Variants in RNF214 observed in about 807,000 individuals in gnomAD.
RNF214 encodes the protein ring finger protein 214.
RNF214 carries 25 observed loss-of-function variants against 75.9 expected under a neutral mutation model. That is an observed-to-expected ratio of 0.33 (90% CI 0.24 to 0.46). The LOEUF is 0.46. Among genes scored for constraint, RNF214 ranks in the 20% least tolerant of loss-of-function variants. The pLI is 1.00. For missense variants in RNF214, 725 were observed against 857.5 expected (o/e 0.85, Z 1.93); for synonymous variants, 314 against 308.8 (o/e 1.02, Z -0.18).
chr11:117,275,433 AAAT>A (rs1349683429), intron 6 of RNF214, among the ~76,000 whole-genome samples: 4 of 152,228 alleles, frequency 2.6e-5, no homozygotes, highest in African/African-American at 9.6e-5. Flanking sequence ...TGAAACCAAA[AAAT>A]ACAAAGGATC....
chr11:117,247,203 A>G (rs2033246811), intron 6 of RNF214, among the ~76,000 whole-genome samples: 1 of 152,200 alleles, frequency 6.6e-6, no homozygotes, highest in Non-Finnish European at 1.5e-5. Flanking sequence ...CAAGAGTTCG[A>G]TACGGGCTGG....
chr11:117,247,524 A>G (rs546137443), intron 6 of RNF214, among the ~76,000 whole-genome samples: 3 of 152,102 alleles, frequency 2.0e-5, no homozygotes, highest in Non-Finnish European at 4.4e-5. Context: ...ATATGAATCT[A>G]ACACCGATCT....
At chr11:117,247,009 C>A (rs541181265) in intron 6 of RNF214, 61 bp downstream of exon 6, 3 of 1,278,888 alleles carry the variant, frequency 2.3e-6, no homozygotes, top group African/African-American at 3.0e-5. Flanking sequence ...GGGCCAGACC[C>A]GTTTGTATTT....
At chr11:117,276,971 C>T (rs893251510) in intron 6 of RNF214, among the ~76,000 whole-genome samples, 2 of 152,158 alleles carry the variant, frequency 1.3e-5, no homozygotes, top group African/African-American at 4.8e-5. Context: ...TCTGACTCTT[C>T]ATATATTTTG....
intron 2 of RNF214, among the ~76,000 whole-genome samples, chr11:117,235,882 A>G (rs1319567608): frequency 6.6e-6 from 1 of 152,116 alleles, no homozygotes; most frequent in Admixed American, 6.5e-5. Flanking sequence ...ATCCTTTTGA[A>G]TATTTTCAGT....
chr11:117,264,819 T>G (rs1445980218), intron 6 of RNF214, among the ~76,000 whole-genome samples: 4 of 152,084 alleles, frequency 2.6e-5, no homozygotes, highest in Non-Finnish European at 5.9e-5. Context: ...ATCTCAGCAC[T>G]TTGGGAAGCC....
At chr11:117,259,013 GTGACA>G (rs1260128755) in intron 6 of RNF214, among the ~76,000 whole-genome samples, 1 of 152,106 alleles carries the variant, frequency 6.6e-6, no homozygotes, top group Admixed American at 6.6e-5. Context: ...CTGGAGTGCA[GTGACA>G]TGATCTTGGT....
chr11:117,251,042 A>G (rs1382705389), intron 6 of RNF214, among the ~76,000 whole-genome samples: 1 of 149,430 alleles, frequency 6.7e-6, no homozygotes, highest in Non-Finnish European at 1.5e-5. Context: ...CAACCATCCA[A>G]TTTCTCAATC....
chr11:117,237,833 A>G (rs1479371971), intron 2 of RNF214, among the ~76,000 whole-genome samples: 1 of 152,170 alleles, frequency 6.6e-6, no homozygotes, highest in Non-Finnish European at 1.5e-5. Context: ...TGTAGGTTCT[A>G]TACTCTGGAA....
intron 6 of RNF214, among the ~76,000 whole-genome samples, chr11:117,268,334 A>G (rs1591835451): frequency 6.6e-6 from 1 of 152,232 alleles, no homozygotes; most frequent in Non-Finnish European, 1.5e-5. Context: ...TTGCATTTCA[A>G]AAAGATGGCT....
At chr11:117,245,376 G>A (rs1412982972) in intron 5 of RNF214, among the ~76,000 whole-genome samples, 3 of 146,830 alleles carry the variant, frequency 2.0e-5, no homozygotes, top group Admixed American at 1.4e-4. Flanking sequence ...GTCTCGCTCT[G>A]TCACCCAGGC....
At position 117,244,585 on chromosome 11, in the gene RNF214, G is replaced by T. The variant is rs2033161510; in HGVS notation, c.819G>T (p.Gln273His). 1 of 1,596,706 alleles carries T rather than the reference G, an allele frequency of 6.3e-7. No homozygotes were observed. Among genetic ancestry groups the T allele is most frequent in the Non-Finnish European group, 8.5e-7 (1 of 1,173,380 alleles). Residue 273 changes from glutamine (Q) to histidine (H), a missense_variant and splice_region_variant, in exon 5 of 15, where the codon CAG becomes CAT. By Grantham distance (24) the Gln-to-His change is conservative. Coordinates refer to ENST00000300650, the MANE Select transcript of RNF214 (RefSeq NM_207343.4). ...QRREEEMKNH[Q>H]EILKAIQDVT... is the part of the protein sequence containing the mutation. ...GAGAAGAGGAAATGAAGAATCACCA[G>T]GTATTTTGCTTATATTGAAATTGTC...
intron 6 of RNF214, among the ~76,000 whole-genome samples, chr11:117,270,350 T>C (rs1008451933): frequency 3.4e-5 from 5 of 148,268 alleles, no homozygotes; most frequent in African/African-American, 1.3e-4. Context: ...CTTGACCTCC[T>C]GGGCTGCGAT....
intron 6 of RNF214, among the ~76,000 whole-genome samples, chr11:117,255,109 C>T (rs949884540): frequency 1.3e-5 from 2 of 152,180 alleles, no homozygotes; most frequent in African/African-American, 2.4e-5. Context: ...CCTCAGAGGT[C>T]TATCCCAAAT....
Position 117,253,702 on chromosome 11 carries a change from GACA to G in RNF214, c.959+6765_959+6767del, listed in dbSNP as rs147011386. ...ATAAAAAATAAATAAATAAATAAAC[GACA>G]ACAACAACAAGACAACGGTGACTCA... On this transcript the variant is annotated intron_variant, in intron 6 of 14. Coordinates refer to ENST00000300650, the MANE Select transcript of RNF214 (RefSeq NM_207343.4). Among the ~76,000 whole-genome samples the G allele has an allele frequency of 2.3e-3, 345 of 151,992 alleles. 10 individuals carry two copies. In the East Asian group the frequency reaches 0.061, roughly 27 times the overall value.
Position 117,273,899 on chromosome 11 carries a change from T to G in RNF214, c.960-6009T>G, listed in dbSNP as rs1367057892. 2.6e-5 allele frequency among the ~76,000 whole-genome samples: 4 copies of G among 152,192 alleles called. No individual in the cohort carries two copies. In the East Asian group the frequency reaches 5.8e-4, roughly 22 times the overall value. The stretch of plus-strand genomic sequence containing the variant: ...TTCAGACAGGCTGATGTCAATAATT[T>G]CACTGCTATGCAGGATCTGAAAGAA... On this transcript the variant is annotated intron_variant, in intron 6 of 14. Coordinates refer to ENST00000300650, the MANE Select transcript of RNF214 (RefSeq NM_207343.4).
At chr11:117,244,674 A>G (rs777209017) in intron 5 of RNF214, 89 bp downstream of exon 5, 13 of 1,042,088 alleles carry the variant, frequency 1.2e-5, no homozygotes, top group African/African-American at 1.8e-5. Context: ...TTATTTATTT[A>G]TTTATTTTTG....
At chr11:117,268,986 A>G (rs1190011104) in intron 6 of RNF214, among the ~76,000 whole-genome samples, 1 of 152,242 alleles carries the variant, frequency 6.6e-6, no homozygotes, top group Non-Finnish European at 1.5e-5. Flanking sequence ...TCATGTGCAT[A>G]GTAAGCACAG....
intron 6 of RNF214, 75 bp from the exon 7 acceptor site, chr11:117,279,833 T>A: frequency 9.1e-7 from 1 of 1,103,630 alleles, no homozygotes; most frequent in South Asian, 1.5e-5. Context: ...AATTTTGGGT[T>A]GTACTTTTGC....
Sources: allele counts gnomAD v4.1 joint callset (sites outside exome capture counted in the v4.1 genomes callset), GRCh38; gene constraint gnomAD v4.1.1; transcripts MANE v1.5; gene names NCBI Gene and HGNC (gene_info 2026-07-23, HGNC 2026-07-21).